Variants in AXL observed in about 807,000 individuals in gnomAD.
The protein encoded by AXL is AXL receptor tyrosine kinase, also known as tyrosine-protein kinase receptor UFO.
In AXL, 52 loss-of-function variants were observed where a neutral mutation model predicts 104.5. The observed-to-expected ratio is 0.50, with a 90% CI of 0.40 to 0.63. AXL has a LOEUF of 0.63. Among genes scored for constraint, AXL ranks in the 20% least tolerant of loss-of-function variants. The pLI, the probability that AXL is intolerant of heterozygous loss-of-function variation, is 0.00. For synonymous variants in AXL, 455 were observed against 473.7 expected, an observed-to-expected ratio of 0.96 and a Z score of 0.51; for missense variants, 1,024 against 1,188.5, an observed-to-expected ratio of 0.86 and a Z score of 2.04.
At chr19:41,225,139 G>A (rs770955617) in intron 4 of AXL, among the ~76,000 whole-genome samples, 4 of 152,198 alleles carry the variant, frequency 2.6e-5, no homozygotes, top group Admixed American at 1.3e-4. Context: ...GAGGAGCTGC[G>A]ATTACAGGCA....
chr19:41,221,750 G>A (rs2033794632), intron 3 of AXL, 130 bp from the exon 4 acceptor site: 1 of 985,408 alleles, frequency 1.0e-6, no homozygotes, highest in Non-Finnish European at 1.5e-6. Context: ...TGCCCTCGGG[G>A]ATCAGATAAG....
intron 14 of AXL, among the ~76,000 whole-genome samples, chr19:41,250,739 C>T (rs537368521): frequency 6.6e-6 from 1 of 152,296 alleles, no homozygotes; most frequent in South Asian, 2.1e-4. Context: ...CCACACCCAG[C>T]CTACGTTTTT....
At chr19:41,222,409 G>A (rs1419435804) in intron 4 of AXL, among the ~76,000 whole-genome samples, 3 of 152,034 alleles carry the variant, frequency 2.0e-5, no homozygotes, top group Non-Finnish European at 4.4e-5. Context: ...TCCATGGCTC[G>A]AGTGCGTGTG....
rs188414931 is a variant in AXL at position 41,234,650 on chromosome 19, T to A, written c.784-3294T>A. 2.6e-5 allele frequency among the ~76,000 whole-genome samples: 4 copies of A among 152,254 alleles called. No homozygotes were observed. The East Asian group carries it at 7.7e-4, about 29-fold the overall frequency. ...TCATTAAACCTTATACCCTGACAAG[T>A]AAGAACTGTGATGCCCATTTTCCAG... On this transcript the variant is annotated intron_variant, in intron 6 of 19. Transcript: ENST00000301178.
In AXL at chr19:41,257,598, C is replaced by T. The variant is rs1383571735; in HGVS notation, c.2302C>T (p.Leu768=). 1.9e-6 allele frequency: 3 copies of T among 1,614,072 alleles called. No homozygotes were observed. In the Admixed American group the frequency reaches 5.0e-5, roughly 27 times the overall value. ...IYDYLRQGNR[L]KQPADCLDGL... The stretch of plus-strand genomic sequence containing the variant: ...TGACTATCTGCGCCAGGGAAATCGC[C>T]TGAAGCAGCCTGCGGACTGTCTGGA... The change falls in exon 19 of 20, where the codon CTG becomes TTG. Residue 768 remains leucine (L), a synonymous_variant. Transcript: ENST00000301178.
Position 41,252,363 on chromosome 19 carries a change from C to G in AXL, c.1724C>G (p.Thr575Arg), listed in dbSNP as rs555593485. ...AVKTMKIAIC[T>R]RSELEDFLSE... ...TCTCTCCCTCAAGTTGCCATCTGCA[C>G]GAGGTCAGAGCTGGAGGATTTCCTG... Residue 575 changes from threonine (T) to arginine (R), a missense_variant, in exon 15 of 20, where the codon ACG (threonine) becomes AGG (arginine). Transcript: ENST00000301178. 1 of 1,613,704 alleles carries G rather than the reference C, an allele frequency of 6.2e-7. No homozygotes were observed. The highest frequency in any genetic ancestry group is 2.2e-5 in the East Asian group (1 of 44,812).
At chr19:41,232,905 G>C (rs2034015610) in intron 6 of AXL, among the ~76,000 whole-genome samples, 1 of 152,170 alleles carries the variant, frequency 6.6e-6, no homozygotes, top group African/African-American at 2.4e-5. Context: ...AAGAAACTAA[G>C]GCTCAGAGTG....
Position 41,259,562 on chromosome 19 carries a change from G to A in AXL, c.2343G>A (p.Leu781=). 1 of 1,602,294 alleles carries A rather than the reference G, an allele frequency of 6.2e-7. No individual in the cohort carries two copies. Among genetic ancestry groups the A allele is most frequent in the Non-Finnish European group, 8.5e-7 (1 of 1,173,388 alleles). ...CATTTTGCTGCCCTAGGTATGCCTT[G>A]ATGTCGCGGTGCTGGGAGCTAAATC... ...PADCLDGLYA[L]MSRCWELNPQ... The change falls in exon 20 of 20, where the codon TTG becomes TTA. Residue 781 remains leucine, a synonymous_variant. Transcript: ENST00000301178.
rs780193824 is a variant in AXL at position 41,237,911 on chromosome 19, C to G, written c.784-33C>G. On this transcript the variant is annotated intron_variant, in intron 6 of 19. Transcript: ENST00000301178. ...GTGACCATCTCGTGTGATTGCTTGG[C>G]TGTCCCGTCCTCACACCCTTGCCTC... 7 of 1,594,670 alleles carry G rather than the reference C, an allele frequency of 4.4e-6. No homozygotes were observed. The East Asian group carries it at 1.3e-4, about 31-fold the overall frequency.
chr19:41,254,734 CAT>C (rs1443705926), intron 17 of AXL, among the ~76,000 whole-genome samples: 1 of 151,938 alleles, frequency 6.6e-6, no homozygotes, highest in African/African-American at 2.4e-5. Flanking sequence ...GCCTGGGCAA[CAT>C]AGTGAATCCT....
At chr19:41,234,574 A>G (rs2034047359) in intron 6 of AXL, among the ~76,000 whole-genome samples, 2 of 152,274 alleles carry the variant, frequency 1.3e-5, no homozygotes, top group African/African-American at 4.8e-5. Flanking sequence ...AAAGAAAACA[A>G]ACGTTAGCTG....
chr19:41,234,159 G>T (rs2034041111), intron 6 of AXL, among the ~76,000 whole-genome samples: 1 of 152,028 alleles, frequency 6.6e-6, no homozygotes, highest in South Asian at 2.1e-4. Context: ...CCCTCCATGG[G>T]GGCTGTGTGA....
At position 41,259,600 on chromosome 19, in the gene AXL, C is replaced by T; in HGVS notation, c.2381C>T (p.Pro794Leu). 3 of 1,613,550 alleles carry T rather than the reference C, an allele frequency of 1.9e-6. No individual in the cohort carries two copies. The highest frequency in any genetic ancestry group is 1.7e-6 in the Non-Finnish European group (2 of 1,179,722). ...TGGGAGCTAAATCCCCAGGACCGGCCAAGTTTTACAGAGCTGCGGGAAGAT... is the reference window on the plus strand; with the variant it reads ...TGGGAGCTAAATCCCCAGGACCGGCTAAGTTTTACAGAGCTGCGGGAAGAT... ...RCWELNPQDRPSFTELREDLE... is the reference protein window; with the variant it reads ...RCWELNPQDRLSFTELREDLE... The change falls in exon 20 of 20, where the codon CCA becomes CTA. Residue 794 changes from proline (P) to leucine (L), a missense_variant. Pro to Leu is a moderately conservative substitution (Grantham distance 98, BLOSUM62 -3). Transcript: ENST00000301178.
chr19:41,230,019 A>G (rs1212813239), intron 4 of AXL, among the ~76,000 whole-genome samples: 2 of 151,054 alleles, frequency 1.3e-5, no homozygotes, highest in South Asian at 2.1e-4. Context: ...GAGTATGTAT[A>G]TATGTGTCTA....
rs569127227 is a variant in AXL, at chr19:41,226,191, G to T, written c.586+4135G>T. 6.6e-5 allele frequency among the ~76,000 whole-genome samples: 10 copies of T among 152,314 alleles called. No homozygotes were observed. In the South Asian group the frequency reaches 8.3e-4, roughly 13 times the overall value. On this transcript the variant is annotated intron_variant, in intron 4 of 19. Coordinates refer to ENST00000301178, the MANE Select transcript of AXL (RefSeq NM_021913.5). ...GCGCTGGGGTGGGGAGGTGCCCCCG[G>T]TGACTCACGCGGGGGCAGGAATGCT...
chr19:41,249,196 T>C (rs1345239804), intron 14 of AXL, among the ~76,000 whole-genome samples: 1 of 152,008 alleles, frequency 6.6e-6, no homozygotes, highest in Non-Finnish European at 1.5e-5. Flanking sequence ...GAATAGCACT[T>C]TGGGAGGCCG....
At chr19:41,232,713 T>C (rs952322217) in intron 6 of AXL, among the ~76,000 whole-genome samples, 1 of 152,072 alleles carries the variant, frequency 6.6e-6, no homozygotes, top group African/African-American at 2.4e-5. Context: ...AATTCTGGTC[T>C]GAAGTTCTCT....
Position 41,221,259 on chromosome 19 carries a change from G to T in AXL, c.409+13G>T, listed in dbSNP as rs1449547286. 1.2e-6 allele frequency: 2 copies of T among 1,611,536 alleles called. No homozygotes were observed. The highest frequency in any genetic ancestry group is 2.2e-5 in the South Asian group (2 of 90,706). On this transcript the variant is annotated intron_variant, in intron 3 of 19. Transcript: ENST00000301178. The stretch of plus-strand genomic sequence containing the variant: ...GTTGGGCTGGAGGGTGAGCTCTGGG[G>T]TCAGGGGTCCTGAGGGGTCAGAGGA...
At chr19:41,257,200 T>C (rs1199395659) in intron 18 of AXL, among the ~76,000 whole-genome samples, 2 of 152,042 alleles carry the variant, frequency 1.3e-5, no homozygotes, top group East Asian at 1.9e-4. Flanking sequence ...CCCACCACCA[T>C]GCCTAGCTAA....
Sources: gnomAD v4.1 joint callset for allele counts (sites outside exome capture counted in the v4.1 genomes callset) on GRCh38, gnomAD v4.1.1 for gene constraint, MANE v1.5 for transcripts, NCBI Gene and HGNC (gene_info 2026-07-23, HGNC 2026-07-21) for gene names.